SOX5: variants seen among roughly 807,000 people sequenced by gnomAD.
SOX5 encodes transcription factor SOX-5.
A neutral mutation model predicts 92.0 loss-of-function variants in SOX5; 9 were observed. That is an observed-to-expected ratio of 0.10 (90% confidence interval 0.06 to 0.17). The LOEUF (loss-of-function observed/expected upper bound fraction) is 0.17. SOX5 is among the 10% of genes least tolerant of loss of function. The pLI is 1.00. For missense variants in SOX5, 642 were observed against 944.5 expected, an observed-to-expected ratio of 0.68 and a Z score of 4.20; for synonymous variants, 344 against 336.3, an observed-to-expected ratio of 1.02 and a Z score of -0.25.
At chr12:23,851,997 G>A (rs1286324052) in intron 2 of SOX5, among the ~76,000 whole-genome samples, 1 of 152,046 alleles carries the variant, frequency 6.6e-6, no homozygotes, top group South Asian at 2.1e-4. Flanking sequence ...GCCTAATCTA[G>A]ACCACTTACA....
At chr12:24,142,355 C>G (rs1317928360) in intron 4 of SOX5, among the ~76,000 whole-genome samples, 1 of 152,050 alleles carries the variant, frequency 6.6e-6, no homozygotes, top group East Asian at 1.9e-4. Flanking sequence ...TTTTCAACAC[C>G]ATGAAGGAAA....
chr12:24,028,053 A>T (rs1955074747), intron 4 of SOX5, among the ~76,000 whole-genome samples: 1 of 151,984 alleles, frequency 6.6e-6, no homozygotes, highest in Non-Finnish European at 1.5e-5. Flanking sequence ...CAAGATTTAG[A>T]AAATAGTATT....
At chr12:23,802,189 T>G (rs2095671479) in intron 3 of SOX5, among the ~76,000 whole-genome samples, 1 of 152,096 alleles carries the variant, frequency 6.6e-6, no homozygotes, top group South Asian at 2.1e-4. Flanking sequence ...TTCTCCTGCC[T>G]CAGCCTCCCG....
At chr12:23,655,040 T>C (rs1192408118) in intron 7 of SOX5, among the ~76,000 whole-genome samples, 1 of 152,082 alleles carries the variant, frequency 6.6e-6, no homozygotes, top group African/African-American at 2.4e-5. Context: ...CTATTTAATT[T>C]AATAGTTACC....
intron 2 of SOX5, among the ~76,000 whole-genome samples, chr12:23,848,301 C>G (rs543544290): frequency 3.2e-4 from 49 of 152,116 alleles, no homozygotes; most frequent in African/African-American, 1.2e-3. Context: ...ATAAGGTATC[C>G]CATTTTGCAT....
chr12:24,019,001 T>C (rs752840243), intron 4 of SOX5, among the ~76,000 whole-genome samples: 1 of 151,984 alleles, frequency 6.6e-6, no homozygotes, highest in Non-Finnish European at 1.5e-5. Flanking sequence ...TTTTTGAGGG[T>C]CTCACTCTGT....
At chr12:24,024,705 TC>T (rs1434612374) in intron 4 of SOX5, among the ~76,000 whole-genome samples, 5 of 152,052 alleles carry the variant, frequency 3.3e-5, no homozygotes, top group Admixed American at 6.6e-5. Flanking sequence ...CAAGTAGGAA[TC>T]TATACTGTGT....
At chr12:24,231,638 A>G (rs1292289180) in intron 3 of SOX5, among the ~76,000 whole-genome samples, 1 of 152,172 alleles carries the variant, frequency 6.6e-6, no homozygotes, top group Non-Finnish European at 1.5e-5. Context: ...GGGATTCCTC[A>G]CCACGTTTTG....
intron 1 of SOX5, among the ~76,000 whole-genome samples, chr12:24,473,787 T>C (rs1945063733): frequency 6.6e-6 from 1 of 152,206 alleles, no homozygotes; most frequent in South Asian, 2.1e-4. Context: ...ATACCTGATG[T>C]ATTTTCTAGT....
In SOX5 at chr12:23,792,622, C is replaced by CAAAAA. The variant is rs749845598; in HGVS notation, c.482-36903_482-36899dup. ...TGGGCAATAGAGTGAGGCTCTGTCT[C>CAAAAA]AAAAAAAAAAAAAAAAAAAAAAAAA... On this transcript the variant is annotated intron_variant, in intron 3 of 14. Transcript: ENST00000451604. Among the ~76,000 whole-genome samples the CAAAAA allele has an allele frequency of 1.8e-3, 71 of 38,966 alleles. 11 individuals are homozygous for CAAAAA. The East Asian group carries it at 0.022, about 12-fold the overall frequency. The allele number at this position is 38,966 out of a possible 152,430, so 25.6% of individuals were successfully genotyped here.
intron 4 of SOX5, among the ~76,000 whole-genome samples, chr12:24,011,874 G>A (rs1418681079): frequency 1.3e-5 from 2 of 151,906 alleles, no homozygotes; most frequent in Non-Finnish European, 2.9e-5. Flanking sequence ...TCTGCCAATT[G>A]ACTAACAAGA....
Position 23,914,964 on chromosome 12 carries a change from G to T in SOX5, c.39-18940C>A, listed in dbSNP as rs548427386. On this transcript the variant is annotated intron_variant, in intron 1 of 14. Transcript: ENST00000451604. ...TTACTCATTTTTCAATCTAATGAAG[G>T]ACCTAACATAAAGCATAATAAATCA... Among the ~76,000 whole-genome samples the T allele has an allele frequency of 3.9e-5, 6 of 152,120 alleles. No homozygotes were observed. In the South Asian group the frequency reaches 1.2e-3, roughly 32 times the overall value.
At chr12:24,351,288 T>C (rs1954053652) in intron 2 of SOX5, among the ~76,000 whole-genome samples, 1 of 152,216 alleles carries the variant, frequency 6.6e-6, no homozygotes, top group African/African-American at 2.4e-5. Context: ...TTATCATCTG[T>C]ACCCCCATCT....
intron 2 of SOX5, among the ~76,000 whole-genome samples, chr12:23,880,552 TTC>T (rs1324117418): frequency 2.6e-5 from 4 of 152,140 alleles, no homozygotes; most frequent in Non-Finnish European, 5.9e-5. Flanking sequence ...AATCTCAACT[TTC>T]TCTCTCTTTT....
chr12:24,003,891 A>G (rs1351097785), intron 4 of SOX5, among the ~76,000 whole-genome samples: 4 of 152,010 alleles, frequency 2.6e-5, no homozygotes, highest in African/African-American at 9.7e-5. Flanking sequence ...TTTTTATTTC[A>G]AAGAACAATA....
At chr12:24,250,431 A>C (rs1939793235) in intron 3 of SOX5, among the ~76,000 whole-genome samples, 1 of 152,172 alleles carries the variant, frequency 6.6e-6, no homozygotes, top group Non-Finnish European at 1.5e-5. Flanking sequence ...ACGCAGCCTA[A>C]ACAAGTCAAA....
At chr12:23,669,706 T>A (rs1428445890) in intron 6 of SOX5, among the ~76,000 whole-genome samples, 1 of 151,114 alleles carries the variant, frequency 6.6e-6, no homozygotes, top group African/African-American at 2.4e-5. Flanking sequence ...GATGAAAAAA[T>A]GATAAAATCA....
intron 1 of SOX5, among the ~76,000 whole-genome samples, chr12:23,903,216 A>AT (rs1260186097): frequency 6.6e-6 from 1 of 152,182 alleles, no homozygotes; most frequent in Non-Finnish European, 1.5e-5. Flanking sequence ...AGATAGATAG[A>AT]TAATAGATGA....
intron 3 of SOX5, among the ~76,000 whole-genome samples, chr12:23,838,015 T>A (rs1470756767): frequency 7.8e-6 from 1 of 128,120 alleles, no homozygotes; most frequent in African/African-American, 3.0e-5. Context: ...TATATTTATA[T>A]AATATATATA....
Sources: allele counts gnomAD v4.1 joint callset (sites outside exome capture counted in the v4.1 genomes callset), GRCh38; gene constraint gnomAD v4.1.1; transcripts MANE v1.5; gene names NCBI Gene and HGNC (gene_info 2026-07-23, HGNC 2026-07-21).